Variants in ARHGAP18 observed in about 807,000 individuals in gnomAD.
The protein encoded by ARHGAP18 is rho GTPase-activating protein 18.
In ARHGAP18, 67 loss-of-function variants were observed where a neutral mutation model predicts 86.2. The observed-to-expected ratio is 0.78, with a 90% CI of 0.64 to 0.95. ARHGAP18 has a LOEUF of 0.95. ARHGAP18 is among the 40% of genes least tolerant of loss of function. The pLI is 0.00. For synonymous variants in ARHGAP18, 283 were observed against 280.4 expected, an observed-to-expected ratio of 1.01 and a Z score of -0.09; for missense variants, 691 against 780.4, an observed-to-expected ratio of 0.89 and a Z score of 1.37.
chr6:129,609,409 C>A (rs1358628210), intron 8 of ARHGAP18, among the ~76,000 whole-genome samples: 2 of 152,134 alleles, frequency 1.3e-5, no homozygotes, highest in Non-Finnish European at 2.9e-5. Flanking sequence ...CCAGCCTTCT[C>A]GTTGCAAAGT....
chr6:129,706,125 T>C (rs781137278), intron 1 of ARHGAP18, among the ~76,000 whole-genome samples: 9 of 152,192 alleles, frequency 5.9e-5, no homozygotes, highest in Non-Finnish European at 1.2e-4. Context: ...CATATTAAAA[T>C]ATTAGCAAAA....
intron 1 of ARHGAP18, among the ~76,000 whole-genome samples, chr6:129,670,955 C>T (rs1245736606): frequency 1.3e-5 from 2 of 152,148 alleles, no homozygotes; most frequent in Admixed American, 6.5e-5. Flanking sequence ...CAGTACTAAG[C>T]CCTTCCCAAG....
chr6:129,578,899 G>A (rs1788233349), intron 14 of ARHGAP18, among the ~76,000 whole-genome samples: 1 of 152,048 alleles, frequency 6.6e-6, no homozygotes, highest in Non-Finnish European at 1.5e-5. Flanking sequence ...AGGAGGTGGA[G>A]GTTGCAGTGA....
intron 6 of ARHGAP18, 41 bp from the exon 7 acceptor site, chr6:129,616,344 T>TATTATATTTAATTTATTTAATTATATTAA: frequency 6.9e-7 from 1 of 1,448,136 alleles, no homozygotes; most frequent in Non-Finnish European, 9.5e-7. Context: ...TTTGTCAATC[T>TATTATATTTAATTTATTTAATTATATTAA]ATAAAATATT....
intron 4 of ARHGAP18, among the ~76,000 whole-genome samples, chr6:129,633,509 C>T (rs1268144698): frequency 6.6e-6 from 1 of 151,216 alleles, no homozygotes; most frequent in Non-Finnish European, 1.5e-5. Context: ...CAAATGTTAG[C>T]AGAGAAACAT....
chr6:129,676,185 C>T (rs939689318), intron 1 of ARHGAP18, among the ~76,000 whole-genome samples: 4 of 152,184 alleles, frequency 2.6e-5, no homozygotes, highest in African/African-American at 9.7e-5. Context: ...ACATCTTATG[C>T]AGTTGGTCAG....
rs755354145 is a variant in ARHGAP18, at chr6:129,710,113, C to T, written c.24G>A (p.Gln8=). 18 of 1,613,658 alleles carry T rather than the reference C, an allele frequency of 1.1e-5. No individual in the cohort carries two copies. The highest frequency in any genetic ancestry group is 2.5e-6 in the Non-Finnish European group (3 of 1,179,778). The change falls in exon 1 of 15, where the codon CAG becomes CAA. Residue 8 remains glutamine (Q), a synonymous_variant. Transcript: ENST00000368149. ...GGTGGTAGGCTGTTAGTACCACTCC[C>T]TGGGAACTGGAGAGCCAGCTCATGG... MSWLSSS[Q]GVVLTAYHPS... is the part of the protein sequence containing the mutation.
intron 1 of ARHGAP18, among the ~76,000 whole-genome samples, chr6:129,696,516 C>T (rs963917924): frequency 9.9e-5 from 15 of 152,140 alleles, no homozygotes; most frequent in African/African-American, 3.6e-4. Flanking sequence ...AATAAAGTGT[C>T]CTGCAAACAA....
chr6:129,626,898 G>A (rs1349906792), intron 5 of ARHGAP18, among the ~76,000 whole-genome samples: 1 of 152,076 alleles, frequency 6.6e-6, no homozygotes, highest in Non-Finnish European at 1.5e-5. Flanking sequence ...AGATGCTCAT[G>A]TACGTCTGTC....
chr6:129,633,770 G>A (rs558672479), intron 4 of ARHGAP18, among the ~76,000 whole-genome samples: 41 of 152,220 alleles, frequency 2.7e-4, no homozygotes, highest in African/African-American at 9.4e-4. Flanking sequence ...TGTATTAAAT[G>A]AGGTAAACAT....
At chr6:129,648,584 C>T (rs1386802755) in intron 1 of ARHGAP18, among the ~76,000 whole-genome samples, 4 of 151,136 alleles carry the variant, frequency 2.6e-5, no homozygotes, top group Admixed American at 1.3e-4. Flanking sequence ...CCAGCCTGGG[C>T]AACTAATAAG....
At chr6:129,605,606 C>T (rs914126885) in intron 10 of ARHGAP18, among the ~76,000 whole-genome samples, 32 of 151,924 alleles carry the variant, frequency 2.1e-4, no homozygotes, top group Admixed American at 2.1e-3. Flanking sequence ...AAACCACCCA[C>T]GTTTCCATTA....
chr6:129,643,965 T>C (rs1384012095), intron 1 of ARHGAP18, among the ~76,000 whole-genome samples: 3 of 152,244 alleles, frequency 2.0e-5, no homozygotes, highest in African/African-American at 7.2e-5. Context: ...TTAGCTTTAA[T>C]ATGCTAATAA....
intron 1 of ARHGAP18, among the ~76,000 whole-genome samples, chr6:129,672,096 C>T (rs1013956182): frequency 3.5e-4 from 53 of 152,160 alleles, no homozygotes; most frequent in Admixed American, 9.8e-4. Flanking sequence ...CACGTACACG[C>T]GCACACACAC....
intron 1 of ARHGAP18, among the ~76,000 whole-genome samples, chr6:129,662,592 C>A (rs140906465): frequency 1.8e-3 from 281 of 152,324 alleles, no homozygotes; most frequent in Non-Finnish European, 3.4e-3. Flanking sequence ...ATACTGAATG[C>A]CCATGTGAAG....
chr6:129,677,589 T>C (rs1240403459), intron 1 of ARHGAP18, among the ~76,000 whole-genome samples: 2 of 152,212 alleles, frequency 1.3e-5, no homozygotes, highest in Admixed American at 6.5e-5. Flanking sequence ...GCATTTAGAT[T>C]GTATCTCTTG....
At chr6:129,665,772 A>C (rs1774024791) in intron 1 of ARHGAP18, among the ~76,000 whole-genome samples, 1 of 152,138 alleles carries the variant, frequency 6.6e-6, no homozygotes, top group South Asian at 2.1e-4. Flanking sequence ...ACCTTGATTA[A>C]ATTGCTTAAC....
At position 129,577,754 on chromosome 6, in the gene ARHGAP18, C is replaced by T. The variant is rs1056637497; in HGVS notation, c.*759G>A. ...CAGAAAGTGCTTTGGCTTTCACTCTCTTGTTATCCATAATCCAATTATTAT... is the reference window on the plus strand; with the variant it reads ...CAGAAAGTGCTTTGGCTTTCACTCTTTTGTTATCCATAATCCAATTATTAT... On this transcript the variant is annotated 3_prime_UTR_variant, in exon 15 of 15. Coordinates refer to ENST00000368149, the MANE Select transcript of ARHGAP18 (RefSeq NM_033515.3). The T allele has an allele frequency of 3.9e-5, 6 of 152,150 alleles. No individual in the cohort carries two copies. In the South Asian group the frequency reaches 1.0e-3, roughly 26 times the overall value. The allele number at this position is 152,150 out of a possible 1,614,324, so 9.4% of individuals were successfully genotyped here.
At position 129,608,069 on chromosome 6, in the gene ARHGAP18, A is replaced by T; in HGVS notation, c.1123-17T>A. On this transcript the variant is annotated splice_polypyrimidine_tract_variant and intron_variant, in intron 8 of 14. Coordinates refer to ENST00000368149, the MANE Select transcript of ARHGAP18 (RefSeq NM_033515.3). ...GCAAAGATTCTGATAGGCACGAAAA[A>T]AAAAAAAAAAAAAAAAAGAAGCAGC... is the stretch of plus-strand genomic sequence containing the variant. 6.4e-6 allele frequency: 8 copies of T among 1,250,550 alleles called. No homozygotes were observed. The highest frequency in any genetic ancestry group is 6.4e-6 in the Non-Finnish European group (6 of 935,932). 77.5% of individuals were successfully genotyped at this position (1,250,550 alleles called of 1,614,324 possible). A position where few individuals can be genotyped will look rare whatever the true frequency, so the allele number is the denominator to read the frequency against.
Sources: gnomAD v4.1 joint callset for allele counts (sites outside exome capture counted in the v4.1 genomes callset) on GRCh38, gnomAD v4.1.1 for gene constraint, MANE v1.5 for transcripts, NCBI Gene and HGNC (gene_info 2026-07-23, HGNC 2026-07-21) for gene names.